The following ASTN2 variants were observed in gnomAD, a reference collection of about 807,000 sequenced individuals.
ASTN2 encodes the protein astrotactin-2.
In ASTN2, 54 loss-of-function variants were observed where a neutral mutation model predicts 139.8. That is an observed-to-expected ratio of 0.39 (90% CI 0.31 to 0.48). ASTN2 has a LOEUF of 0.48. Ranked by LOEUF, ASTN2 falls within the 20% of genes least tolerant of loss-of-function variation. ASTN2 has a pLI of 0.95. For missense variants in ASTN2, 1,565 were observed against 1,725.1 expected (o/e 0.91, Z 1.64); for synonymous variants, 756 against 719.5 (o/e 1.05, Z -0.81).
chr9:116,938,847 G>A (rs1052422189), intron 10 of ASTN2, among the ~76,000 whole-genome samples: 1 of 152,140 alleles, frequency 6.6e-6, no homozygotes, highest in Non-Finnish European at 1.5e-5. Context: ...ATATTCCCAG[G>A]AAGGGATTTC....
chr9:116,860,295 T>C (rs930572626), intron 11 of ASTN2, among the ~76,000 whole-genome samples: 2 of 152,180 alleles, frequency 1.3e-5, no homozygotes, highest in African/African-American at 4.8e-5. Flanking sequence ...AATAGAACAT[T>C]AGATACGCTG....
chr9:116,817,253 C>T (rs991140640), intron 12 of ASTN2, among the ~76,000 whole-genome samples: 2 of 151,146 alleles, frequency 1.3e-5, no homozygotes, highest in African/African-American at 2.4e-5. Flanking sequence ...GAGATCTCAC[C>T]GCTACACTCC....
chr9:116,749,214 G>A (rs181219542), intron 13 of ASTN2, among the ~76,000 whole-genome samples: 13 of 152,208 alleles, frequency 8.5e-5, no homozygotes, highest in Admixed American at 5.2e-4. Context: ...CTCAATAAAT[G>A]GCAGCTATTG....
intron 19 of ASTN2, among the ~76,000 whole-genome samples, chr9:116,497,767 A>G (rs1411758482): frequency 6.6e-6 from 1 of 152,146 alleles, no homozygotes; most frequent in Non-Finnish European, 1.5e-5. Context: ...CCTCCCCCCC[A>G]ATCACTCTTT....
At chr9:117,173,884 C>T (rs1830851949) in intron 3 of ASTN2, among the ~76,000 whole-genome samples, 1 of 151,250 alleles carries the variant, frequency 6.6e-6, no homozygotes, top group Non-Finnish European at 1.5e-5. Flanking sequence ...TATAGAATAT[C>T]AACAAATCAT....
chr9:116,696,060 AT>A (rs1282278157), intron 16 of ASTN2, among the ~76,000 whole-genome samples: 2 of 151,994 alleles, frequency 1.3e-5, no homozygotes, highest in Non-Finnish European at 2.9e-5. Flanking sequence ...ACTCCCCATT[AT>A]CCCCGTCTTC....
intron 5 of ASTN2, among the ~76,000 whole-genome samples, chr9:117,065,161 G>C (rs4497044): frequency 0.22 from 32,825 of 151,964 alleles, 4,038 homozygotes; most frequent in East Asian, 0.41. Context: ...AGGAGGCTAG[G>C]AGGAAGCCAC....
At chr9:116,653,171 A>G (rs1858021553) in intron 16 of ASTN2, among the ~76,000 whole-genome samples, 1 of 152,200 alleles carries the variant, frequency 6.6e-6, no homozygotes, top group Non-Finnish European at 1.5e-5. Context: ...TGTATTTGAT[A>G]CTCAGCCAGA....
chr9:116,726,749 A>C (rs1458543817), intron 15 of ASTN2, among the ~76,000 whole-genome samples: 1 of 151,520 alleles, frequency 6.6e-6, no homozygotes, highest in Non-Finnish European at 1.5e-5. Flanking sequence ...CCTGCACAGC[A>C]GTCACTCAGT....
intron 3 of ASTN2, among the ~76,000 whole-genome samples, chr9:117,200,940 CCAG>C: frequency 6.6e-6 from 1 of 150,994 alleles, no homozygotes; most frequent in South Asian, 2.1e-4. Context: ...AGGAATGGTA[CCAG>C]CTCCTCTTTG....
intron 2 of ASTN2, among the ~76,000 whole-genome samples, chr9:117,252,890 T>C (rs1474207079): frequency 6.6e-6 from 1 of 152,214 alleles, no homozygotes; most frequent in Non-Finnish European, 1.5e-5. Flanking sequence ...CACAAGAATG[T>C]GCACTTCAGA....
chr9:117,294,014 A>C (rs1282732610), intron 1 of ASTN2, among the ~76,000 whole-genome samples: 1 of 152,206 alleles, frequency 6.6e-6, no homozygotes, highest in Non-Finnish European at 1.5e-5. Flanking sequence ...ATGCTTGTGG[A>C]AATCTGAGCT....
intron 19 of ASTN2, among the ~76,000 whole-genome samples, chr9:116,507,077 A>G (rs1417608265): frequency 6.6e-6 from 1 of 152,210 alleles, no homozygotes. Flanking sequence ...GGTGCTCTAC[A>G]TACATAATCG....
chr9:116,824,864 CGTTA>C (rs1831581947), intron 11 of ASTN2, among the ~76,000 whole-genome samples: 1 of 152,040 alleles, frequency 6.6e-6, no homozygotes, highest in Non-Finnish European at 1.5e-5. Context: ...TATCAGAGAA[CGTTA>C]GTTATAGAAC....
chr9:116,514,149 T>C (rs1850533576), intron 19 of ASTN2, among the ~76,000 whole-genome samples: 2 of 151,842 alleles, frequency 1.3e-5, no homozygotes, highest in African/African-American at 4.8e-5. Flanking sequence ...CCTTTGGTCT[T>C]TGATGATGGT....
At chr9:117,272,527 T>TC (rs1282394209) in intron 2 of ASTN2, among the ~76,000 whole-genome samples, 3 of 152,250 alleles carry the variant, frequency 2.0e-5, no homozygotes, top group Non-Finnish European at 4.4e-5. Context: ...GTTTTTCTTT[T>TC]CCACTGCATC....
intron 12 of ASTN2, 128 bp downstream of exon 12, chr9:116,820,489 G>A (rs1481795611): frequency 8.0e-7 from 1 of 1,246,692 alleles, no homozygotes. Context: ...ACTAAAACAG[G>A]AAAGGCAGAA....
intron 19 of ASTN2, among the ~76,000 whole-genome samples, chr9:116,595,483 T>C (rs10817905): frequency 0.44 from 66,855 of 151,972 alleles, 15,523 homozygotes; most frequent in East Asian, 0.69. Flanking sequence ...CGCACCACCA[T>C]GCCTGGCTAA....
intron 1 of ASTN2, among the ~76,000 whole-genome samples, chr9:117,404,131 T>G (rs2130967227): frequency 6.6e-6 from 1 of 152,298 alleles, no homozygotes; most frequent in Non-Finnish European, 1.5e-5. Flanking sequence ...ATCACACAGC[T>G]TAGTGTAAGT....
Sources: allele counts gnomAD v4.1 joint callset (sites outside exome capture counted in the v4.1 genomes callset), GRCh38; gene constraint gnomAD v4.1.1; transcripts MANE v1.5; gene names NCBI Gene and HGNC (gene_info 2026-07-23, HGNC 2026-07-21).